The following ANKRD36C variants were observed in gnomAD, a reference collection of about 807,000 sequenced individuals.
ANKRD36C encodes ankyrin repeat domain 36C, also known as ankyrin repeat domain-containing protein 36C.
Under a neutral mutation model 276.4 loss-of-function variants are expected in ANKRD36C, and 61 were observed. That is an observed-to-expected ratio of 0.22 (90% CI 0.18 to 0.27). The LOEUF is 0.27. ANKRD36C is among the 10% of genes least tolerant of loss of function. The pLI is 1.00. For missense variants in ANKRD36C, 1,447 were observed against 2,032.3 expected (o/e 0.71, Z 5.54); for synonymous variants, 483 against 680.1 (o/e 0.71, Z 4.51).
At chr2:95,951,351 C>A in exon 15 of ANKRD36C, 1 of 1,489,168 alleles carries the variant, frequency 6.7e-7, no homozygotes, top group Non-Finnish European at 9.1e-7. Flanking sequence ...AACTTACCAT[C>A]TTCTATAGAT....
chr2:95,921,521 A>T, intron 34 of ANKRD36C, 86 bp downstream of exon 34: 1 of 1,520,306 alleles, frequency 6.6e-7, no homozygotes, highest in South Asian at 1.2e-5. Context: ...GAGCCCCCCC[A>T]CCTGCCCTCC....
intron 44 of ANKRD36C, among the ~76,000 whole-genome samples, chr2:95,898,094 G>C (rs1676609153): frequency 6.7e-6 from 1 of 148,832 alleles, no homozygotes. Flanking sequence ...CACTAGTTTA[G>C]CCTTCCGAAA....
At chr2:95,852,436 C>T (rs1183150266) in intron 64 of ANKRD36C, 2 of 465,318 alleles carry the variant, frequency 4.3e-6, no homozygotes. Context: ...GCTGTAACTG[C>T]AGGGCTGAGT....
chr2:95,906,214 C>T (rs866733810), intron 42 of ANKRD36C, among the ~76,000 whole-genome samples: 25 of 18,962 alleles, frequency 1.3e-3, no homozygotes, highest in Non-Finnish European at 1.4e-3. Flanking sequence ...TCAGGGGTCT[C>T]CTCAGTTCTC....
At chr2:95,858,571 TTTAGAG>T (rs1429964753) in intron 61 of ANKRD36C, among the ~76,000 whole-genome samples, 1 of 152,196 alleles carries the variant, frequency 6.6e-6, no homozygotes. Context: ...GGATGAATCA[TTTAGAG>T]TTAATTAACA....
rs1676364034 is a variant in ANKRD36C, at chr2:95,891,677, T to A, written c.2845A>T (p.Lys949Ter). The A allele has an allele frequency of 6.4e-7, 1 of 1,563,504 alleles. No homozygotes were observed. Among genetic ancestry groups the A allele is most frequent in the Non-Finnish European group, 8.7e-7 (1 of 1,152,866 alleles). ...TTTTCAAAATTACCTCTCCTAGTTT[T>A]TTCTCCATGCTTTTTTCCTCTGGCT... Residue 949 changes from lysine to a stop codon, truncating the protein, a stop_gained, in exon 46 of 67, where the codon AAA becomes TAA. Coordinates refer to ENST00000456556, the Ensembl canonical transcript of ANKRD36C. LOFTEE classifies it high-confidence loss of function.
At chr2:95,854,707 G>T (rs1440515106) in intron 63 of ANKRD36C, among the ~76,000 whole-genome samples, 1 of 152,158 alleles carries the variant, frequency 6.6e-6, no homozygotes, top group Non-Finnish European at 1.5e-5. Context: ...AGAATAGAAT[G>T]ATCATATCTA....
chr2:95,915,991 A>G (rs531014426), exon 38 of ANKRD36C: 81 of 1,551,754 alleles, frequency 5.2e-5, no homozygotes, highest in Admixed American at 9.7e-5. Context: ...TGTCCTAGAT[A>G]TTTCTCCATC....
intron 24 of ANKRD36C, among the ~76,000 whole-genome samples, chr2:95,930,832 CA>C (rs893216344): frequency 1.5e-4 from 23 of 149,934 alleles, no homozygotes; most frequent in Non-Finnish European, 2.5e-4. Context: ...AAAAAAAAAA[CA>C]AAAAACAAAA....
At chr2:95,936,677 C>A (rs1381862073) in intron 22 of ANKRD36C, among the ~76,000 whole-genome samples, 129 of 140,788 alleles carry the variant, frequency 9.2e-4, no homozygotes, top group South Asian at 4.1e-3. Context: ...TTTATTTACA[C>A]CATCCCACCC....
At chr2:95,944,195 G>A (rs1677972175) in intron 19 of ANKRD36C, among the ~76,000 whole-genome samples, 1 of 152,080 alleles carries the variant, frequency 6.6e-6, no homozygotes, top group African/African-American at 2.4e-5. Flanking sequence ...CCGCTTTTGA[G>A]GTGTTTTATA....
At position 95,961,906 on chromosome 2, in the gene ANKRD36C, A is replaced by C. The variant is rs1421019483; in HGVS notation, c.901+446T>G. On this transcript the variant is annotated intron_variant, in intron 8 of 66. Coordinates refer to ENST00000456556, the Ensembl canonical transcript of ANKRD36C. ...CTTTCCTCTCAATCCCTCTTCCTTG[A>C]GTAAAATAATTACCACATCAGAGGT... Among the ~76,000 whole-genome samples, 2 of 152,134 alleles carry C rather than the reference A, an allele frequency of 1.3e-5. 1 individual carries two copies. The highest frequency in any genetic ancestry group is 6.8e-3 in the Middle Eastern group (2 of 294).
chr2:95,869,577 T>C (rs868451783), intron 59 of ANKRD36C, among the ~76,000 whole-genome samples: 1 of 152,324 alleles, frequency 6.6e-6, no homozygotes, highest in Middle Eastern at 3.4e-3. Context: ...GCTCCCAGCG[T>C]GAGCGACGCA....
chr2:95,917,767 C>G, intron 36 of ANKRD36C, 88 bp downstream of exon 38: 1 of 1,491,484 alleles, frequency 6.7e-7, no homozygotes, highest in Non-Finnish European at 9.0e-7. Flanking sequence ...GCGAGCACCC[C>G]CAACCGCCCT....
chr2:95,890,454 T>C (rs771608817), intron 46 of ANKRD36C, among the ~76,000 whole-genome samples: 22 of 151,432 alleles, frequency 1.5e-4, no homozygotes, highest in Non-Finnish European at 1.5e-5. Context: ...AGGCACAGAA[T>C]TACGACATTT....
intron 22 of ANKRD36C, among the ~76,000 whole-genome samples, chr2:95,936,074 C>T (rs149219496): frequency 5.3e-5 from 8 of 152,288 alleles, no homozygotes; most frequent in African/African-American, 1.9e-4. Context: ...CAGTCATGCA[C>T]GCTTCTGGTG....
At chr2:95,984,360 C>G (rs1678984592) in intron 3 of ANKRD36C, among the ~76,000 whole-genome samples, 1 of 152,040 alleles carries the variant, frequency 6.6e-6, no homozygotes, top group South Asian at 2.1e-4. Context: ...GCTCAAGGGA[C>G]ACCAGATTGG....
intron 42 of ANKRD36C, among the ~76,000 whole-genome samples, 197 bp from the exon 45 acceptor site, chr2:95,910,765 C>CAGGCT (rs1215540305): frequency 1.3e-5 from 2 of 151,318 alleles, no homozygotes; most frequent in South Asian, 4.1e-4. Context: ...ATGAAATATA[C>CAGGCT]CCTTACAATT....
At chr2:95,874,444 A>C (rs1348025066) in intron 59 of ANKRD36C, among the ~76,000 whole-genome samples, 1 of 152,260 alleles carries the variant, frequency 6.6e-6, no homozygotes, top group Admixed American at 6.5e-5. Context: ...TTCCCTATTT[A>C]ATAAATGGTG....
Sources: gnomAD v4.1 joint callset for allele counts (sites outside exome capture counted in the v4.1 genomes callset) on GRCh38, gnomAD v4.1.1 for gene constraint, MANE v1.5 for transcripts, NCBI Gene and HGNC (gene_info 2026-07-23, HGNC 2026-07-21) for gene names.